RPL28: variants seen among roughly 807,000 people sequenced by gnomAD.
RPL28 encodes the protein ribosomal protein L28.
Under a neutral mutation model 12.5 loss-of-function variants are expected in RPL28, and 4 were observed. The ratio of observed to expected loss-of-function variants is 0.32; its 90% CI spans 0.16 to 0.73. RPL28 has a LOEUF of 0.73. Among genes scored for constraint, RPL28 ranks in the 30% least tolerant of loss-of-function variants. The pLI, the probability that RPL28 is intolerant of heterozygous loss-of-function variation, is 0.66. For missense variants in RPL28, 214 were observed against 197.7 expected, an observed-to-expected ratio of 1.08 and a Z score of -0.49; for synonymous variants, 91 against 72.5, an observed-to-expected ratio of 1.26 and a Z score of -1.30.
At chr19:55,394,225 GC>G (rs1428668394), downstream of RPL28, among the ~76,000 whole-genome samples, 1 of 152,192 alleles carries the variant, frequency 6.6e-6, no homozygotes, top group East Asian at 1.9e-4. Flanking sequence ...TCACGCCACT[GC>G]ACTCCAGCCT....
exon 5 of RPL28, chr19:55,403,244 T>C: frequency 3.3e-6 from 2 of 597,406 alleles, no homozygotes. Context: ...CACTGAACTG[T>C]ATACTTTGGA....
At chr19:55,395,045 T>C (rs2090012817), downstream of RPL28, among the ~76,000 whole-genome samples, 1 of 152,240 alleles carries the variant, frequency 6.6e-6, no homozygotes, top group Non-Finnish European at 1.5e-5. Flanking sequence ...CTCTGGATAG[T>C]CACAATATGC....
At chr19:55,386,485 G>A (rs539319960) in intron 2 of RPL28, 47 bp downstream of exon 2, 2 of 1,608,202 alleles carry the variant, frequency 1.2e-6, no homozygotes, top group South Asian at 1.1e-5. Flanking sequence ...AGGGTCCTGA[G>A]TCTCTTGACT....
At chr19:55,396,253 A>G (rs2123297482), downstream of RPL28, among the ~76,000 whole-genome samples, 1 of 151,854 alleles carries the variant, frequency 6.6e-6, no homozygotes, top group East Asian at 1.9e-4. Context: ...CCTGAACAAC[A>G]AGAATGTAAA....
intron 3 of RPL28, chr19:55,387,270 G>T (rs1262446493): frequency 1.3e-6 from 2 of 1,550,974 alleles, no homozygotes; most frequent in East Asian, 4.9e-5. Context: ...TGACAGGGCT[G>T]TATTTTCTTT....
intron 4 of RPL28, among the ~76,000 whole-genome samples, chr19:55,398,636 A>C (rs1447304191): frequency 6.6e-6 from 1 of 152,134 alleles, no homozygotes; most frequent in Non-Finnish European, 1.5e-5. Flanking sequence ...TGTTTTTGCC[A>C]ATTTTTCATG....
rs2089966759 is a variant in RPL28, at chr19:55,389,328, T to G, written c.*996T>G. The G allele has an allele frequency of 1.0e-6, 1 of 972,562 alleles. No homozygotes were observed. Among genetic ancestry groups the G allele is most frequent in the Non-Finnish European group, 1.2e-6 (1 of 824,722 alleles). The allele number at this position is 972,562 out of a possible 1,614,324, so 60.2% of individuals were successfully genotyped here. A position where few individuals can be genotyped will look rare whatever the true frequency, so the allele number is the denominator to read the frequency against. On this transcript the variant is annotated 3_prime_UTR_variant, in exon 5 of 5. Coordinates refer to ENST00000344063, the MANE Select transcript of RPL28 (RefSeq NM_000991.5). The stretch of plus-strand genomic sequence containing the variant: ...GAGCCCATGAGCCCCACCACTACAC[T>G]CCAGCCTGGAAGACACCATGACACA...
downstream of RPL28, among the ~76,000 whole-genome samples, chr19:55,392,354 CT>C (rs1444763582): frequency 6.6e-6 from 1 of 151,908 alleles, no homozygotes; most frequent in African/African-American, 2.4e-5. Flanking sequence ...GCCTTAGCCC[CT>C]TGTGTAGCTG....
chr19:55,388,903 A>C lies in RPL28; in HGVS notation c.*571A>C. 3 of 985,616 alleles carry C rather than the reference A, an allele frequency of 3.0e-6. No homozygotes were observed. The highest frequency in any genetic ancestry group is 3.6e-6 in the Non-Finnish European group (3 of 830,100). The allele number at this position is 985,616 out of a possible 1,614,324, so 61.1% of individuals were successfully genotyped here. On this transcript the variant is annotated 3_prime_UTR_variant, in exon 5 of 5. Transcript: ENST00000344063. ...TTGGTGGGTGGTGGCTTATAACTGT[A>C]AGGGAGATGGCAGCCCCAGGGTACA... is the stretch of plus-strand genomic sequence containing the variant.
Position 55,391,698 on chromosome 19 carries a change from TTAAA to T in RPL28, c.*3368_*3371del. On this transcript the variant is annotated 3_prime_UTR_variant, in exon 5 of 5. Transcript: ENST00000344063. ...CTACTACTCAGGGTTGATGAGAAGA[TTAAA>T]TGTGCAAAACCTGCTTGACTGTGCC... The T allele has an allele frequency of 6.5e-7, 1 of 1,534,740 alleles. No individual in the cohort carries two copies. Among genetic ancestry groups the T allele is most frequent in the Non-Finnish European group, 8.8e-7 (1 of 1,132,698 alleles).
chr19:55,387,756 G>C, intron 3 of RPL28, 174 bp from the exon 4 acceptor site: 4 of 1,457,840 alleles, frequency 2.7e-6, no homozygotes, highest in Non-Finnish European at 3.6e-6. Flanking sequence ...GTGATGACGA[G>C]TGAGCCTCTG....
chr19:55,399,374 C>G (rs1339379923), intron 4 of RPL28, among the ~76,000 whole-genome samples: 1 of 152,012 alleles, frequency 6.6e-6, no homozygotes, highest in Admixed American at 6.6e-5. Context: ...ACCATGTTGG[C>G]CAGGCTGGTC....
Position 55,388,010 on chromosome 19 carries a change from A to G in RPL28, c.286A>G (p.Met96Val), listed in dbSNP as rs1225389976. 9 of 1,613,474 alleles carry G rather than the reference A, an allele frequency of 5.6e-6. No individual in the cohort carries two copies. Among genetic ancestry groups the G allele is most frequent in the Admixed American group, 1.7e-5 (1 of 59,924 alleles). The change falls in exon 4 of 5, where the codon ATG (methionine) becomes GTG (valine). Residue 96 changes from methionine to valine, a missense_variant. By Grantham distance (21) the Met-to-Val change is conservative (BLOSUM62 1). Transcript: ENST00000344063. Reference protein sequence around the residue: ...ARATLSSIRHMIRKNKYRPDL... With the variant: ...ARATLSSIRHVIRKNKYRPDL... ...CGCCACGCTCAGCAGCATCAGACAC[A>G]TGATCCGCAAGAACAAGTACCGCCC...
intron 4 of RPL28, 90 bp from the exon 5 acceptor site, chr19:55,388,153 C>T (rs759863825): frequency 1.5e-5 from 23 of 1,562,696 alleles, no homozygotes; most frequent in African/African-American, 5.4e-5. Context: ...TGGATTCTTG[C>T]TTTCAGCCTA....
downstream of RPL28, among the ~76,000 whole-genome samples, chr19:55,395,141 TA>T (rs1241717258): frequency 2.0e-5 from 3 of 152,106 alleles, no homozygotes; most frequent in Non-Finnish European, 4.4e-5. Flanking sequence ...TTTATTTATT[TA>T]TTTATTTTTT....
chr19:55,386,744 G>A lies in RPL28; in HGVS notation c.205+51G>A, dbSNP rs200400977. ...AGAGCGGCCCCTTTCCCGGGTCTGG[G>A]AGCTGTGATTTTTTACTGTCAGGCA... On this transcript the variant is annotated intron_variant, in intron 3 of 4. Transcript: ENST00000344063. 14 of 1,611,354 alleles carry A rather than the reference G, an allele frequency of 8.7e-6. No homozygotes were observed. In the East Asian group the frequency reaches 2.7e-4, roughly 31 times the overall value.
Position 55,389,064 on chromosome 19 carries a change from C to T in RPL28, c.*732C>T, listed in dbSNP as rs1569041888. On this transcript the variant is annotated 3_prime_UTR_variant, in exon 5 of 5. Coordinates refer to ENST00000344063, the MANE Select transcript of RPL28 (RefSeq NM_000991.5). ...AGTGGCCGCTCCTGGGCCACCCTGTCACCCAAGCTTTCCTGATTGCCCAGC... is the reference window on the plus strand; with the variant it reads ...AGTGGCCGCTCCTGGGCCACCCTGTTACCCAAGCTTTCCTGATTGCCCAGC... The T allele has an allele frequency of 1.0e-6, 1 of 985,562 alleles. No individual in the cohort carries two copies. The highest frequency in any genetic ancestry group is 1.2e-6 in the Non-Finnish European group (1 of 830,010). The allele number at this position is 985,562 out of a possible 1,614,324, so 61.1% of individuals were successfully genotyped here.
Position 55,388,302 on chromosome 19 carries a change from G to A in RPL28, c.384G>A (p.Arg128=), listed in dbSNP as rs772018056. ...GCCAGAAGCCTGTGATGGTGAAGAG[G>A]AAGCGGACCCGCCCCACCAAGAGCT... is the stretch of plus-strand genomic sequence containing the variant. ...LRSQKPVMVK[R]KRTRPTKSS The change falls in exon 5 of 5, where the codon AGG becomes AGA. Residue 128 remains arginine, a synonymous_variant. Transcript: ENST00000344063. 4.4e-6 allele frequency: 7 copies of A among 1,580,528 alleles called. No individual in the cohort carries two copies. In the African/African-American group the frequency reaches 9.5e-5, roughly 21 times the overall value.
chr19:55,397,582 G>A (rs1165401586), intron 4 of RPL28, among the ~76,000 whole-genome samples: 6 of 151,896 alleles, frequency 4.0e-5, no homozygotes, highest in Admixed American at 3.9e-4. Context: ...GGGTTTCACC[G>A]TGTTAGCCAG....
Sources: gnomAD v4.1 joint callset for allele counts (sites outside exome capture counted in the v4.1 genomes callset) on GRCh38, gnomAD v4.1.1 for gene constraint, MANE v1.5 for transcripts, NCBI Gene and HGNC (gene_info 2026-07-23, HGNC 2026-07-21) for gene names.